MAP3K13: variants seen among roughly 807,000 people sequenced by gnomAD.
MAP3K13 encodes mitogen-activated protein kinase kinase kinase 13.
A neutral mutation model predicts 104.0 loss-of-function variants in MAP3K13; 52 were observed. The ratio of observed to expected loss-of-function variants is 0.50; its 90% CI spans 0.40 to 0.63. The LOEUF is 0.63. Among genes scored for constraint, MAP3K13 ranks in the 20% least tolerant of loss-of-function variants. MAP3K13 has a pLI of 0.00. For synonymous variants in MAP3K13, 394 were observed against 442.2 expected (o/e 0.89, Z 1.37); for missense variants, 914 against 1,218.5 (o/e 0.75, Z 3.72).
At chr3:185,462,631 G>A (rs1250835813) in intron 7 of MAP3K13, among the ~76,000 whole-genome samples, 2 of 152,032 alleles carry the variant, frequency 1.3e-5, no homozygotes, top group African/African-American at 4.8e-5. Flanking sequence ...AAATTAGCCG[G>A]GTGTGGTGGC....
At chr3:185,451,926 A>G (rs1480327823) in intron 7 of MAP3K13, among the ~76,000 whole-genome samples, 3 of 152,030 alleles carry the variant, frequency 2.0e-5, no homozygotes, top group South Asian at 2.1e-4. Flanking sequence ...TCAGAATATT[A>G]TCCTTATAGT....
At chr3:185,435,435 C>A (rs1385234217) in intron 2 of MAP3K13, among the ~76,000 whole-genome samples, 3 of 152,164 alleles carry the variant, frequency 2.0e-5, no homozygotes, top group Admixed American at 6.5e-5. Flanking sequence ...ATTTCATGAG[C>A]CACTTATTAA....
Position 185,297,719 on chromosome 3 carries a change from A to G in MAP3K13, c.-86+12076A>G, listed in dbSNP as rs567600434. ...CACTGCACTCCAGTCTGGGCAACAC[A>G]GTGAGACTCCGTCTCAAAAAAAAAA... is the stretch of plus-strand genomic sequence containing the variant. On this transcript the variant is annotated intron_variant, in intron 2 of 14. Coordinates refer to the MAP3K13 transcript ENST00000424227. 2.8e-5 allele frequency among the ~76,000 whole-genome samples: 4 copies of G among 144,190 alleles called. No homozygotes were observed. In the South Asian group the frequency reaches 9.1e-4, roughly 33 times the overall value. The allele number at this position is 144,190 out of a possible 152,430, so 94.6% of individuals were successfully genotyped here.
intron 2 of MAP3K13, among the ~76,000 whole-genome samples, chr3:185,309,517 AAAAAAAAAAAAAAG>A (rs1721424692): frequency 6.8e-6 from 1 of 147,164 alleles, no homozygotes; most frequent in African/African-American, 2.5e-5. Context: ...TCTCACAAAA[AAAAAAAAAAAAAAG>A]AAAGAAAAAA....
intron 2 of MAP3K13, among the ~76,000 whole-genome samples, chr3:185,310,477 T>C (rs971278824): frequency 1.3e-5 from 2 of 152,148 alleles, no homozygotes; most frequent in African/African-American, 2.4e-5. Context: ...ATGATTGATA[T>C]ATTACAGGAA....
rs903217060 is a variant in MAP3K13, at chr3:185,484,427, T to C, written c.*1971T>C. The C allele has an allele frequency of 6.6e-6, 1 of 152,248 alleles. No individual in the cohort carries two copies. The highest frequency in any genetic ancestry group is 1.5e-5 in the Non-Finnish European group (1 of 68,046). 9.4% of individuals were successfully genotyped at this position (152,248 alleles called of 1,614,324 possible). ...CAACCTCTCTAGATTCACTGGACTC[T>C]TTGACACTGCATCATGTTGGACGTT... On this transcript the variant is annotated 3_prime_UTR_variant, in exon 14 of 14. Transcript: ENST00000265026.
chr3:185,319,914 GTTA>G (rs1425632490), intron 2 of MAP3K13, among the ~76,000 whole-genome samples: 1 of 152,168 alleles, frequency 6.6e-6, no homozygotes, highest in African/African-American at 2.4e-5. Context: ...CCCCGTAGTT[GTTA>G]TTAATTGTGA....
intron 12 of MAP3K13, among the ~76,000 whole-genome samples, chr3:185,478,549 A>G (rs752350306): frequency 1.1e-4 from 16 of 152,012 alleles, no homozygotes; most frequent in Non-Finnish European, 1.9e-4. Flanking sequence ...AACTCACCCC[A>G]TCACCTGTCC....
intron 3 of MAP3K13, 43 bp downstream of exon 3, chr3:185,437,673 T>C: frequency 1.3e-6 from 2 of 1,528,458 alleles, no homozygotes; most frequent in South Asian, 2.5e-5. Context: ...ACCTATTTTC[T>C]TTCCCCCAAT....
intron 1 of MAP3K13, among the ~76,000 whole-genome samples, chr3:185,373,266 A>G (rs946259082): frequency 6.6e-5 from 10 of 152,192 alleles, no homozygotes; most frequent in African/African-American, 1.9e-4. Flanking sequence ...GAAACAAACG[A>G]ACAAAAATGT....
At chr3:185,397,039 G>GT (rs5855062) in intron 1 of MAP3K13, among the ~76,000 whole-genome samples, 105,698 of 150,778 alleles carry the variant, frequency 0.7, 37,549 homozygotes, top group Non-Finnish European at 0.77. Context: ...ATTCTTGTTT[G>GT]TTTTTTTTTC....
intron 1 of MAP3K13, among the ~76,000 whole-genome samples, chr3:185,367,743 A>G (rs902350866): frequency 1.2e-4 from 19 of 152,048 alleles, no homozygotes; most frequent in Admixed American, 5.9e-4. Context: ...CCACAGACAC[A>G]TGCCACTATA....
chr3:185,307,139 G>A (rs1463875663), intron 2 of MAP3K13, among the ~76,000 whole-genome samples: 4 of 151,676 alleles, frequency 2.6e-5, no homozygotes, highest in South Asian at 2.1e-4. Context: ...TTGATAGTTC[G>A]GTTACAATGT....
chr3:185,283,736 T>C (rs1186610955), intron 1 of MAP3K13, among the ~76,000 whole-genome samples: 1 of 152,188 alleles, frequency 6.6e-6, no homozygotes, highest in Non-Finnish European at 1.5e-5. Flanking sequence ...TCATTTACTT[T>C]GGCTTCTTTC....
chr3:185,371,298 A>G (rs1724145451), intron 1 of MAP3K13, among the ~76,000 whole-genome samples: 1 of 152,244 alleles, frequency 6.6e-6, no homozygotes, highest in African/African-American at 2.4e-5. Flanking sequence ...TAGTCCTAAC[A>G]GCTATAATAA....
chr3:185,417,863 G>T, intron 1 of MAP3K13: 3 of 1,605,744 alleles, frequency 1.9e-6, no homozygotes, highest in Non-Finnish European at 2.6e-6. Context: ...ATCTTCTTGC[G>T]TGGTGCTCAA....
At chr3:185,455,696 T>TATG (rs1577589972) in intron 7 of MAP3K13, among the ~76,000 whole-genome samples, 18 of 19,004 alleles carry the variant, frequency 9.5e-4, no homozygotes, top group South Asian at 5.8e-3. Flanking sequence ...ATATATGATA[T>TATG]ATATATGAGA....
intron 1 of MAP3K13, among the ~76,000 whole-genome samples, chr3:185,409,625 AC>A (rs1185694125): frequency 6.6e-6 from 1 of 152,154 alleles, no homozygotes; most frequent in Non-Finnish European, 1.5e-5. Context: ...CAGCAACCCC[AC>A]TACTGAGTAT....
rs1715850094 is a variant in MAP3K13 at position 185,451,000 on chromosome 3, G to A, written c.1170-287G>A. Among the ~76,000 whole-genome samples the A allele has an allele frequency of 6.6e-6, 1 of 152,214 alleles. No individual in the cohort carries two copies. The highest frequency in any genetic ancestry group is 1.5e-5 in the Non-Finnish European group (1 of 68,034). On this transcript the variant is annotated intron_variant, in intron 6 of 13. Coordinates refer to ENST00000265026, the MANE Select transcript of MAP3K13 (RefSeq NM_004721.5). The surrounding 1 kb of genome is among the most constrained non-coding windows in gnomAD (Gnocchi z 4.2). The stretch of plus-strand genomic sequence containing the variant: ...AGCTACTCAGGAGGCTGAGGCAGGA[G>A]AATGGCGTGAACCCAGGAGGCGGAG...
Sources: gnomAD v4.1 joint callset for allele counts (sites outside exome capture counted in the v4.1 genomes callset) on GRCh38, gnomAD v4.1.1 for gene constraint, Gnocchi (gnomAD v3.1) non-coding constraint, MANE v1.5 for transcripts, NCBI Gene and HGNC (gene_info 2026-07-23, HGNC 2026-07-21) for gene names.